The following TCF4 variants were observed in gnomAD, a reference collection of about 807,000 sequenced individuals.
TCF4 encodes the protein transcription factor 4.
In TCF4, 3 loss-of-function variants were observed where a neutral mutation model predicts 82.1. The observed-to-expected ratio is 0.04, with a 90% CI of 0.02 to 0.09. The LOEUF (loss-of-function observed/expected upper bound fraction) is 0.09, where lower values mean the gene tolerates loss of function less well. TCF4 is among the 10% of genes least tolerant of loss of function. TCF4 has a pLI of 1.00. For missense variants in TCF4, 518 were observed against 852.7 expected, an observed-to-expected ratio of 0.61 and a Z score of 4.89; for synonymous variants, 276 against 309.6, an observed-to-expected ratio of 0.89 and a Z score of 1.14.
chr18:55,448,735 T>C (rs2095569510), intron 5 of TCF4, among the ~76,000 whole-genome samples: 1 of 152,242 alleles, frequency 6.6e-6, no homozygotes, highest in African/African-American at 2.4e-5. Flanking sequence ...GTACTCTCTC[T>C]TATTCTGCTC....
At chr18:55,370,427 T>TGATGATA (rs1555960536) in intron 6 of TCF4, among the ~76,000 whole-genome samples, 3 of 144,962 alleles carry the variant, frequency 2.1e-5, no homozygotes, top group African/African-American at 7.7e-5. Context: ...GATAGACAGA[T>TGATGATA]GATAGATAGA....
At chr18:55,522,500 G>A (rs2096941196) in intron 3 of TCF4, among the ~76,000 whole-genome samples, 2 of 152,106 alleles carry the variant, frequency 1.3e-5, no homozygotes, top group African/African-American at 2.4e-5. Flanking sequence ...TATAAAATAG[G>A]TGTCAACACA....
At chr18:55,573,312 A>C (rs2097494199) in intron 3 of TCF4, among the ~76,000 whole-genome samples, 1 of 152,016 alleles carries the variant, frequency 6.6e-6, no homozygotes, top group African/African-American at 2.4e-5. Context: ...AAAAAAAAAA[A>C]AAACAAGTAG....
chr18:55,247,440 T>C (rs1470237973), intron 15 of TCF4, among the ~76,000 whole-genome samples: 1 of 152,182 alleles, frequency 6.6e-6, no homozygotes, highest in East Asian at 1.9e-4. Flanking sequence ...ACTGGGGAGA[T>C]AGGTGGCTTA....
At chr18:55,558,422 T>C (rs1227295240) in intron 3 of TCF4, among the ~76,000 whole-genome samples, 2 of 152,192 alleles carry the variant, frequency 1.3e-5, no homozygotes, top group Admixed American at 6.5e-5. Context: ...CATTTTCCCA[T>C]TTGAATCTTA....
At chr18:55,331,689 A>G (rs924189835) in intron 8 of TCF4, among the ~76,000 whole-genome samples, 3 of 152,234 alleles carry the variant, frequency 2.0e-5, no homozygotes, top group African/African-American at 7.2e-5. Flanking sequence ...ATAGAGCTAT[A>G]TCTACTTTAG....
intron 3 of TCF4, among the ~76,000 whole-genome samples, chr18:55,583,577 T>G (rs1268116602): frequency 6.6e-6 from 1 of 152,140 alleles, no homozygotes; most frequent in Non-Finnish European, 1.5e-5. Context: ...AACACCTTAC[T>G]TTATTAAATA....
chr18:55,376,917 T>C (rs1251326587), intron 6 of TCF4, among the ~76,000 whole-genome samples: 2 of 152,186 alleles, frequency 1.3e-5, no homozygotes, highest in East Asian at 3.8e-4. Flanking sequence ...AGCTTTCCTG[T>C]GAAAATTTCA....
intron 6 of TCF4, among the ~76,000 whole-genome samples, chr18:55,382,450 TG>T (rs1318974009): frequency 1.3e-5 from 2 of 152,112 alleles, no homozygotes; most frequent in African/African-American, 2.4e-5. Flanking sequence ...AGTTGCCAAT[TG>T]AATTGGCATA....
At chr18:55,607,001 G>A (rs1603625331) in intron 2 of TCF4, among the ~76,000 whole-genome samples, 1 of 152,246 alleles carries the variant, frequency 6.6e-6, no homozygotes, top group African/African-American at 2.4e-5. Flanking sequence ...GGGGGAATGA[G>A]AACAGTGGGT....
chr18:55,355,386 A>G (rs1312594624), intron 6 of TCF4, among the ~76,000 whole-genome samples: 1 of 152,182 alleles, frequency 6.6e-6, no homozygotes, highest in Non-Finnish European at 1.5e-5. Flanking sequence ...GATTCCTAAC[A>G]GCCATGGGGA....
chr18:55,371,275 GA>G (rs1216005908), intron 6 of TCF4, among the ~76,000 whole-genome samples: 2 of 152,142 alleles, frequency 1.3e-5, no homozygotes, highest in African/African-American at 4.8e-5. Context: ...GAAAGAGTTT[GA>G]AAAAAGAGGC....
intron 6 of TCF4, among the ~76,000 whole-genome samples, chr18:55,377,306 T>C (rs1473518769): frequency 6.6e-6 from 1 of 152,194 alleles, no homozygotes; most frequent in Non-Finnish European, 1.5e-5. Flanking sequence ...CATTTCAATT[T>C]ACTACCATCA....
rs3794893 is a variant in TCF4, at chr18:55,369,632, C to T, written c.370-18629G>A. Among the ~76,000 whole-genome samples the T allele has an allele frequency of 4.2e-4, 64 of 152,288 alleles. 1 individual carries two copies. In the East Asian group the frequency reaches 7.5e-3, roughly 18 times the overall value. On this transcript the variant is annotated intron_variant, in intron 6 of 19. Transcript: ENST00000354452. The stretch of plus-strand genomic sequence containing the variant: ...ACTCTCCCTGTGAATTCATGCTGCC[C>T]TCACACCTGCACAGGTGCTCATCAG...
rs531972411 is a variant in TCF4 at position 55,391,478 on chromosome 18, C to G, written c.369+11976G>C. Among the ~76,000 whole-genome samples, 130 of 152,136 alleles carry G rather than the reference C, an allele frequency of 8.5e-4. 1 individual carries two copies. Among genetic ancestry groups the G allele is most frequent in the African/African-American group, 2.8e-3 (118 of 41,490 alleles). Reference sequence around the variant, plus strand: ...TTGTAAGTGATGACCCTCTCTAGGACTCAGCCCTCCATTCCGTGAAACCTG... The same window carrying G: ...TTGTAAGTGATGACCCTCTCTAGGAGTCAGCCCTCCATTCCGTGAAACCTG... On this transcript the variant is annotated intron_variant, in intron 6 of 19. Transcript: ENST00000354452.
chr18:55,356,048 A>G (rs2144988836), intron 6 of TCF4, among the ~76,000 whole-genome samples: 1 of 152,282 alleles, frequency 6.6e-6, no homozygotes, highest in East Asian at 1.9e-4. Flanking sequence ...AAAAGGGACT[A>G]ATAAGAGCTC....
chr18:55,299,786 C>T (rs567338376), intron 8 of TCF4, among the ~76,000 whole-genome samples: 7 of 152,196 alleles, frequency 4.6e-5, no homozygotes, highest in South Asian at 2.1e-4. Context: ...CAATAGTAGA[C>T]CCTCCCTTGG....
chr18:55,539,570 C>T lies in TCF4; in HGVS notation c.145+45710G>A, dbSNP rs1271984801. On this transcript the variant is annotated intron_variant, in intron 3 of 19. Transcript: ENST00000354452. ...CAAACTTCCAAAGGAGACAAACATC[C>T]CAGATGAAGATGAGCTCACAATCAA... Among the ~76,000 whole-genome samples the T allele has an allele frequency of 2.6e-5, 4 of 152,108 alleles. No individual in the cohort carries two copies. The South Asian group carries it at 8.3e-4, about 32-fold the overall frequency.
chr18:55,275,541 G>A, intron 10 of TCF4, 78 bp downstream of exon 10: 2 of 1,591,950 alleles, frequency 1.3e-6, no homozygotes, highest in East Asian at 2.2e-5. Context: ...GAGTCCTTGT[G>A]TATATGCATG....
Sources: allele counts gnomAD v4.1 joint callset (sites outside exome capture counted in the v4.1 genomes callset), GRCh38; gene constraint gnomAD v4.1.1; transcripts MANE v1.5; gene names NCBI Gene and HGNC (gene_info 2026-07-23, HGNC 2026-07-21).